Variants in PLCG2 observed in about 807,000 individuals in gnomAD.
The protein encoded by PLCG2 is phospholipase C gamma 2, also known as 1-phosphatidylinositol 4,5-bisphosphate phosphodiesterase gamma-2.
Under a neutral mutation model 175.6 loss-of-function variants are expected in PLCG2, and 69 were observed. That is an observed-to-expected ratio of 0.39 (90% confidence interval 0.32 to 0.48). The LOEUF (loss-of-function observed/expected upper bound fraction) is 0.48. Among genes scored for constraint, PLCG2 ranks in the 20% least tolerant of loss-of-function variants. The probability of loss-of-function intolerance (pLI) is 0.91; values close to 1 mark genes in which losing one functional copy is unlikely to be tolerated. For missense variants in PLCG2, 1,798 were observed against 1,650.9 expected (o/e 1.09, Z -1.54); for synonymous variants, 827 against 624.0 (o/e 1.33, Z -4.85).
chr16:81,905,420 C>T lies in PLCG2; in HGVS notation c.1380C>T (p.Pro460=). The T allele has an allele frequency of 1.2e-6, 2 of 1,613,966 alleles. No individual in the cohort carries two copies. Among genetic ancestry groups the T allele is most frequent in the African/African-American group, 1.3e-5 (1 of 75,042 alleles). Residue 460 remains proline (P), a synonymous_variant, in exon 15 of 33, where the codon CCC becomes CCT. Transcript: ENST00000564138. ...CCCCTCAGCATAAGAAGCTGGGCCC[C>T]CGAGGCGATGTGGATGTCAACATGG... is the stretch of plus-strand genomic sequence containing the variant. The part of the protein sequence containing the change: ...KIIIKHKKLG[P]RGDVDVNMED...
chr16:81,818,490 C>T (rs1353801416), intron 2 of PLCG2, among the ~76,000 whole-genome samples: 1 of 152,086 alleles, frequency 6.6e-6, no homozygotes, highest in Non-Finnish European at 1.5e-5. Context: ...GGGTGAATGC[C>T]ATTCTTCCTC....
intron 2 of PLCG2, among the ~76,000 whole-genome samples, chr16:81,853,570 G>A (rs75080768): frequency 0.018 from 2,794 of 152,234 alleles, 41 homozygotes; most frequent in Non-Finnish European, 0.026. Flanking sequence ...CCTCGCATGC[G>A]TAGTTCACCG....
At chr16:81,760,133 T>C (rs965453405) in intron 2 of PLCG2, among the ~76,000 whole-genome samples, 1 of 152,054 alleles carries the variant, frequency 6.6e-6, no homozygotes. Flanking sequence ...TTCATTCTAG[T>C]GTTAGGAAGA....
In PLCG2 at chr16:81,772,813, A is replaced by G. The variant is rs183760243; in HGVS notation, c.-47-13130A>G. Among the ~76,000 whole-genome samples the G allele has an allele frequency of 1.8e-4, 28 of 151,946 alleles. No individual in the cohort carries two copies. In the East Asian group the frequency reaches 5.4e-3, roughly 29 times the overall value. On this transcript the variant is annotated intron_variant, in intron 2 of 5. Coordinates refer to the PLCG2 transcript ENST00000565054. ...AATAGAGTGAGACTCCATCTCCAAA[A>G]AAAAGAATGACTGAAAAGGCTAAGA...
chr16:81,925,864 G>C (rs888210865), intron 22 of PLCG2, among the ~76,000 whole-genome samples: 1 of 147,302 alleles, frequency 6.8e-6, no homozygotes, highest in African/African-American at 2.5e-5. Context: ...CCAGCCTGGG[G>C]GACAGAGTGA....
intron 2 of PLCG2, among the ~76,000 whole-genome samples, chr16:81,824,308 A>G (rs1381751511): frequency 1.3e-5 from 2 of 151,968 alleles, no homozygotes; most frequent in African/African-American, 4.8e-5. Flanking sequence ...TAATTTGTGT[A>G]TTTTTAGTAG....
chr16:81,927,896 G>C (rs1237152504), intron 23 of PLCG2, among the ~76,000 whole-genome samples: 1 of 152,204 alleles, frequency 6.6e-6, no homozygotes, highest in African/African-American at 2.4e-5. Context: ...CCGTGTGCTT[G>C]GGCTGAGGCA....
chr16:81,912,277 G>C (rs547837390), intron 18 of PLCG2, among the ~76,000 whole-genome samples: 104 of 151,734 alleles, frequency 6.9e-4, no homozygotes, highest in Non-Finnish European at 1.0e-3. Flanking sequence ...TGTTGGCCAG[G>C]CTGGTCTCAA....
chr16:81,918,792 A>C (rs1235185471), intron 19 of PLCG2, among the ~76,000 whole-genome samples: 2 of 152,254 alleles, frequency 1.3e-5, no homozygotes, highest in East Asian at 3.9e-4. Flanking sequence ...ATTTTTCCAG[A>C]TGTTTCTGTC....
intron 22 of PLCG2, among the ~76,000 whole-genome samples, chr16:81,924,580 C>T (rs543674565): frequency 6.6e-6 from 1 of 152,348 alleles, no homozygotes; most frequent in South Asian, 2.1e-4. Flanking sequence ...GACTCCAGAG[C>T]TTACACTCTT....
At chr16:81,932,011 G>T (rs1307016087) in intron 25 of PLCG2, among the ~76,000 whole-genome samples, 1 of 152,154 alleles carries the variant, frequency 6.6e-6, no homozygotes, top group Non-Finnish European at 1.5e-5. Flanking sequence ...AAGCAGTCTG[G>T]ATCCTCCTGA....
At chr16:81,800,653 G>T (rs1268055353) in intron 2 of PLCG2, among the ~76,000 whole-genome samples, 1 of 151,972 alleles carries the variant, frequency 6.6e-6, no homozygotes, top group Non-Finnish European at 1.5e-5. Flanking sequence ...CTTCGCTATT[G>T]TGATACTATT....
At chr16:81,816,651 A>ATTTTTTTTT (rs71146047) in intron 2 of PLCG2, among the ~76,000 whole-genome samples, 3 of 108,852 alleles carry the variant, frequency 2.8e-5, no homozygotes, top group African/African-American at 7.6e-5. Context: ...GCTAATTTTA[A>ATTTTTTTTT]TTTTTTTTTT....
At chr16:81,817,833 G>C (rs944636449) in intron 2 of PLCG2, among the ~76,000 whole-genome samples, 2 of 152,184 alleles carry the variant, frequency 1.3e-5, no homozygotes, top group African/African-American at 2.4e-5. Context: ...TTACATGTCA[G>C]GCCCAGGCCA....
intron 2 of PLCG2, among the ~76,000 whole-genome samples, chr16:81,833,379 A>C (rs959848925): frequency 1.5e-4 from 23 of 151,886 alleles, no homozygotes; most frequent in African/African-American, 5.3e-4. Context: ...CGGTCGGTAC[A>C]CGGGTCCTGA....
intron 2 of PLCG2, among the ~76,000 whole-genome samples, chr16:81,820,333 C>G (rs1206791250): frequency 2.0e-5 from 3 of 152,076 alleles, no homozygotes; most frequent in Non-Finnish European, 4.4e-5. Flanking sequence ...CCAGCATGCA[C>G]ACTCCCTGCC....
chr16:81,921,611 A>G (rs982831012), intron 21 of PLCG2: 3 of 363,774 alleles, frequency 8.2e-6, no homozygotes, highest in African/African-American at 6.4e-5. Context: ...TGGTTCACTG[A>G]CCTCCTTGCA....
Position 81,959,333 on chromosome 16 carries a change from GA to G in PLCG2, c.*1339del. The G allele has an allele frequency of 4.5e-6, 1 of 222,516 alleles. No homozygotes were observed. Among genetic ancestry groups the G allele is most frequent in the Non-Finnish European group, 9.0e-6 (1 of 111,292 alleles). The allele number at this position is 222,516 out of a possible 1,614,324, so 13.8% of individuals were successfully genotyped here. A position where few individuals can be genotyped will look rare whatever the true frequency, so the allele number is the denominator to read the frequency against. On this transcript the variant is annotated 3_prime_UTR_variant, in exon 33 of 33. Coordinates refer to ENST00000564138, the MANE Select transcript of PLCG2 (RefSeq NM_002661.5). The stretch of plus-strand genomic sequence containing the variant: ...CTGGGCTTAGTATGCATGTACTGCT[GA>G]AAAGCAGGGCAGAACAAATCAGGCT...
chr16:81,940,194 G>T, intron 30 of PLCG2, 135 bp downstream of exon 30: 2 of 712,964 alleles, frequency 2.8e-6, no homozygotes, highest in Non-Finnish European at 4.6e-6. Context: ...GGGTGGCTTG[G>T]AGAGCAGGTG....
Sources: gnomAD v4.1 joint callset for allele counts (sites outside exome capture counted in the v4.1 genomes callset) on GRCh38, gnomAD v4.1.1 for gene constraint, MANE v1.5 for transcripts, NCBI Gene and HGNC (gene_info 2026-07-23, HGNC 2026-07-21) for gene names.